The following GLMN variants were observed in gnomAD, a reference collection of about 807,000 sequenced individuals.
GLMN encodes the protein glomulin, FKBP associated protein.
A neutral mutation model predicts 87.8 loss-of-function variants in GLMN; 75 were observed. The ratio of observed to expected loss-of-function variants is 0.85; its 90% CI spans 0.71 to 1.04. GLMN has a LOEUF of 1.04. Ranked by LOEUF, GLMN falls within the 50% of genes least tolerant of loss-of-function variation. The probability of loss-of-function intolerance (pLI) is 0.00; values close to 1 mark genes in which losing one functional copy is unlikely to be tolerated. For synonymous variants in GLMN, 206 were observed against 221.6 expected (o/e 0.93, Z 0.63); for missense variants, 588 against 658.8 (o/e 0.89, Z 1.18).
chr1:92,324,197 C>T, the GLMN span: 1 of 1,614,086 alleles, frequency 6.2e-7, no homozygotes, highest in South Asian at 1.1e-5. Context: ...TGGAGGGAAT[C>T]TCAGAACAGC....
the GLMN span, among the ~76,000 whole-genome samples, chr1:92,355,472 C>T: frequency 1.3e-5 from 2 of 152,124 alleles, no homozygotes; most frequent in Non-Finnish European, 2.9e-5. Context: ...GTATATTTAG[C>T]ATAGGAAACA....
the GLMN span, among the ~76,000 whole-genome samples, chr1:92,370,535 G>C: frequency 6.6e-6 from 1 of 152,140 alleles, no homozygotes; most frequent in Non-Finnish European, 1.5e-5. Context: ...TTATATATGA[G>C]AAACAGTGTC....
intron 3 of GLMN, among the ~76,000 whole-genome samples, chr1:92,293,681 C>T (rs1398231198): frequency 1.3e-5 from 2 of 152,124 alleles, no homozygotes; most frequent in Non-Finnish European, 2.9e-5. Context: ...GCACTATTTA[C>T]AATATCTCAG....
At chr1:92,299,197 A>G, upstream of GLMN, 1 of 1,185,546 alleles carries the variant, frequency 8.4e-7, no homozygotes, top group South Asian at 1.6e-5. Flanking sequence ...CTGGGCCCCG[A>G]TCTCGAGTTA....
intron 16 of GLMN, chr1:92,248,247 A>C (rs1412834189): frequency 5.9e-6 from 2 of 337,934 alleles, no homozygotes; most frequent in Non-Finnish European, 1.1e-5. Flanking sequence ...GTTAAGTTTT[A>C]TTTATGAGAA....
At chr1:92,333,582 A>C in the GLMN span, 2 of 781,976 alleles carry the variant, frequency 2.6e-6, no homozygotes, top group Non-Finnish European at 4.2e-6. Flanking sequence ...TTGAAAAATA[A>C]TGTGAAAAGT....
the GLMN span, among the ~76,000 whole-genome samples, chr1:92,366,310 A>G: frequency 3.9e-5 from 6 of 152,202 alleles, no homozygotes; most frequent in African/African-American, 1.4e-4. Flanking sequence ...CTCTTAAAAA[A>G]AGTGTCTGAA....
chr1:92,247,994 TAAG>T lies in GLMN; in HGVS notation c.1474-8_1474-6del. ...AAGTTCTGTCCATAATCCAGTCTGT[TAAG>T]AATGAAAGAATGAGTTATTTAGTTC... is the stretch of plus-strand genomic sequence containing the variant. On this transcript the variant is annotated splice_polypyrimidine_tract_variant and splice_region_variant and intron_variant, in intron 16 of 18. Transcript: ENST00000370360. 1 of 1,087,762 alleles carries T rather than the reference TAAG, an allele frequency of 9.2e-7. No homozygotes were observed. The highest frequency in any genetic ancestry group is 1.4e-6 in the Non-Finnish European group (1 of 702,052). The allele number at this position is 1,087,762 out of a possible 1,614,324, so 67.4% of individuals were successfully genotyped here. A position where few individuals can be genotyped will look rare whatever the true frequency, so the allele number is the denominator to read the frequency against.
the GLMN span, among the ~76,000 whole-genome samples, chr1:92,338,989 TAA>T: frequency 6.6e-6 from 1 of 152,182 alleles, no homozygotes; most frequent in Non-Finnish European, 1.5e-5. Context: ...AGCAAACCGA[TAA>T]AGTTATGCTG....
chr1:92,259,105 A>G lies in GLMN; in HGVS notation c.1473+3758T>C, dbSNP rs535086596. Among the ~76,000 whole-genome samples the G allele has an allele frequency of 1.6e-4, 24 of 152,332 alleles. 1 individual carries two copies. The East Asian group carries it at 3.9e-3, about 24-fold the overall frequency. On this transcript the variant is annotated intron_variant, in intron 16 of 18. Transcript: ENST00000370360. ...TGTCCCAGCTTTCATTCTACATACT[A>G]TAATTACAAACTTTTTAGAAAAAAA...
intron 1 of GLMN, among the ~76,000 whole-genome samples, chr1:92,298,583 T>C (rs1389611765): frequency 6.6e-6 from 1 of 152,126 alleles, no homozygotes; most frequent in Non-Finnish European, 1.5e-5. Context: ...GTCCCCAAAG[T>C]GATCAATCCA....
chr1:92,334,524 G>A, the GLMN span, among the ~76,000 whole-genome samples: 1 of 152,098 alleles, frequency 6.6e-6, no homozygotes, highest in African/African-American at 2.4e-5. Context: ...CATGACGACA[G>A]GGATTTACTT....
the GLMN span, among the ~76,000 whole-genome samples, chr1:92,327,736 ATTG>A: frequency 6.9e-6 from 1 of 145,346 alleles, no homozygotes; most frequent in Non-Finnish European, 1.5e-5. Context: ...TCATTGTCTT[ATTG>A]TTTTATAGGT....
intron 16 of GLMN, among the ~76,000 whole-genome samples, chr1:92,249,966 C>A (rs920288563): frequency 6.6e-6 from 1 of 152,042 alleles, no homozygotes; most frequent in Non-Finnish European, 1.5e-5. Flanking sequence ...TTACGTCCAG[C>A]CTTTTCTTCA....
At chr1:92,344,392 A>G in the GLMN span, among the ~76,000 whole-genome samples, 1 of 152,186 alleles carries the variant, frequency 6.6e-6, no homozygotes, top group Non-Finnish European at 1.5e-5. Flanking sequence ...GTGACAGAGC[A>G]AGACTCTGTC....
the GLMN span, among the ~76,000 whole-genome samples, chr1:92,351,724 A>G: frequency 1.3e-5 from 2 of 152,200 alleles, no homozygotes; most frequent in African/African-American, 4.8e-5. Flanking sequence ...AAGAGAAGAC[A>G]TATAGAAGGC....
chr1:92,281,435 C>A (rs1023402078), intron 7 of GLMN, among the ~76,000 whole-genome samples: 10 of 152,088 alleles, frequency 6.6e-5, no homozygotes, highest in African/African-American at 2.4e-4. Context: ...TTTTTGTCAC[C>A]ACCAGGCCTG....
At chr1:92,278,888 A>G (rs1337167338) in intron 7 of GLMN, among the ~76,000 whole-genome samples, 2 of 152,170 alleles carry the variant, frequency 1.3e-5, no homozygotes, top group African/African-American at 2.4e-5. Flanking sequence ...CTTTGCCTCT[A>G]TCCTCTCCTT....
chr1:92,252,246 A>G (rs1041872149), intron 16 of GLMN, among the ~76,000 whole-genome samples: 5 of 152,212 alleles, frequency 3.3e-5, no homozygotes, highest in African/African-American at 1.2e-4. Context: ...AAATAATCAC[A>G]TATTAATAAA....
Sources: allele counts gnomAD v4.1 joint callset (sites outside exome capture counted in the v4.1 genomes callset), GRCh38; gene constraint gnomAD v4.1.1; transcripts MANE v1.5; gene names NCBI Gene and HGNC (gene_info 2026-07-23, HGNC 2026-07-21).